The following RDH12 variants were observed in gnomAD, a reference collection of about 807,000 sequenced individuals.
The protein encoded by RDH12 is retinol dehydrogenase 12.
In RDH12, 21 loss-of-function variants were observed where a neutral mutation model predicts 34.0. That is an observed-to-expected ratio of 0.62 (90% CI 0.44 to 0.89). The LOEUF is 0.89. Ranked by LOEUF, RDH12 falls within the 40% of genes least tolerant of loss-of-function variation. The probability of loss-of-function intolerance (pLI) is 0.00; values close to 1 mark genes in which losing one functional copy is unlikely to be tolerated. For missense variants in RDH12, 394 were observed against 398.6 expected (o/e 0.99, Z 0.10); for synonymous variants, 198 against 169.9 (o/e 1.17, Z -1.29).
intron 3 of RDH12, among the ~76,000 whole-genome samples, chr14:67,723,892 C>T (rs1381262448): frequency 2.6e-5 from 4 of 152,212 alleles, no homozygotes; most frequent in African/African-American, 7.2e-5. Context: ...TGTTTGCCAT[C>T]GGCCAGAATG....
At chr14:67,729,975 A>C (rs186285623) in intron 8 of RDH12, among the ~76,000 whole-genome samples, 1 of 152,336 alleles carries the variant, frequency 6.6e-6, no homozygotes, top group East Asian at 1.9e-4. Flanking sequence ...CGCTTTGTTC[A>C]AGGCTTTTCA....
intron 1 of RDH12, among the ~76,000 whole-genome samples, chr14:67,716,506 G>A (rs558818427): frequency 3.3e-5 from 5 of 152,184 alleles, no homozygotes; most frequent in Non-Finnish European, 5.9e-5. Context: ...GAAAGTGTGT[G>A]TACACACGTG....
chr14:67,724,418 T>G, intron 3 of RDH12, 55 bp from the exon 4 acceptor site: 5 of 1,122,878 alleles, frequency 4.5e-6, no homozygotes, highest in South Asian at 1.2e-5. Context: ...TTAACGTATC[T>G]TAGTGTGAGC....
chr14:67,710,988 T>G (rs1284813502), intron 1 of RDH12, among the ~76,000 whole-genome samples: 1 of 152,204 alleles, frequency 6.6e-6, no homozygotes, highest in Non-Finnish European at 1.5e-5. Context: ...GAAAAAGATT[T>G]AACTTAACTG....
chr14:67,722,990 CAACA>C (rs986124448), intron 3 of RDH12, among the ~76,000 whole-genome samples: 1 of 152,162 alleles, frequency 6.6e-6, no homozygotes, highest in African/African-American at 2.4e-5. Flanking sequence ...TCAAGTAGCT[CAACA>C]AACACCTTAG....
chr14:67,713,272 C>T (rs202069653), intron 1 of RDH12, among the ~76,000 whole-genome samples: 3 of 148,570 alleles, frequency 2.0e-5, no homozygotes, highest in Admixed American at 1.3e-4. Flanking sequence ...AAACAAAAAA[C>T]AAAACAAAAA....
At chr14:67,723,678 T>C (rs369730388) in intron 3 of RDH12, among the ~76,000 whole-genome samples, 3 of 152,240 alleles carry the variant, frequency 2.0e-5, no homozygotes, top group East Asian at 1.9e-4. Flanking sequence ...TTTTCTCTAC[T>C]GTAATGTGGA....
At position 67,726,061 on chromosome 14, in the gene RDH12, G is replaced by A. The variant is rs761794309; in HGVS notation, c.354G>A (p.Gln118=). 11 of 1,613,394 alleles carry A rather than the reference G, an allele frequency of 6.8e-6. No individual in the cohort carries two copies. The Admixed American group carries it at 1.0e-4, about 15-fold the overall frequency. The change falls in exon 6 of 9, where the codon CAG becomes CAA. Residue 118 remains glutamine, a synonymous_variant. Coordinates refer to ENST00000551171, the MANE Select transcript of RDH12 (RefSeq NM_152443.3). ...GGTTGTGCCCTATAGAGGAAAAGCA[G>A]CTCCATATTCTGATCAACAATGCGG... ...FAEGFLAEEK[Q]LHILINNAGV... is the part of the protein sequence containing the mutation.
intron 1 of RDH12, among the ~76,000 whole-genome samples, chr14:67,705,484 A>G (rs984744138): frequency 3.3e-5 from 5 of 152,368 alleles, no homozygotes; most frequent in Non-Finnish European, 5.9e-5. Context: ...TGCCCCAGGT[A>G]GGCTAATTTG....
chr14:67,727,240 G>C, intron 7 of RDH12, 50 bp downstream of exon 7: 1 of 1,449,566 alleles, frequency 6.9e-7, no homozygotes, highest in South Asian at 1.2e-5. Flanking sequence ...GACCAAATTA[G>C]AGGTCCACAG....
intron 1 of RDH12, among the ~76,000 whole-genome samples, chr14:67,705,252 AC>A (rs1437866202): frequency 6.6e-6 from 1 of 152,240 alleles, no homozygotes; most frequent in African/African-American, 2.4e-5. Context: ...TACAGAGGTT[AC>A]AGTCCTTGGC....
In RDH12 at chr14:67,733,917, CA is replaced by C; in HGVS notation, c.*71del. 1 of 1,185,448 alleles carries C rather than the reference CA, an allele frequency of 8.4e-7. No homozygotes were observed. 73.4% of individuals were successfully genotyped at this position (1,185,448 alleles called of 1,614,324 possible). On this transcript the variant is annotated 3_prime_UTR_variant, in exon 9 of 9. Coordinates refer to ENST00000551171, the MANE Select transcript of RDH12 (RefSeq NM_152443.3). ...AATGAACAGGGACCAAGGAGAAGGC[CA>C]ACCCTAAAGGATTGTCCTCTTGGCC...
chr14:67,727,413 A>G (rs2038201374), intron 7 of RDH12: 1 of 548,120 alleles, frequency 1.8e-6, no homozygotes, highest in Non-Finnish European at 3.3e-6. Context: ...TATTTGTGTC[A>G]CATCTTATCT....
At chr14:67,717,025 CTTTAT>C (rs1300452873) in intron 1 of RDH12, among the ~76,000 whole-genome samples, 1 of 152,060 alleles carries the variant, frequency 6.6e-6, no homozygotes, top group Non-Finnish European at 1.5e-5. Context: ...TATCAATCTA[CTTTAT>C]TTTATTAACA....
rs745871149 is a variant in RDH12, at chr14:67,727,151, A to G, written c.619A>G (p.Asn207Asp). 12 of 1,614,070 alleles carry G rather than the reference A, an allele frequency of 7.4e-6. No individual in the cohort carries two copies. The South Asian group carries it at 1.3e-4, about 18-fold the overall frequency. ...GFAYCHSKLANVLFTRELAKR... is the reference protein window; with the variant it reads ...GFAYCHSKLADVLFTRELAKR... The stretch of plus-strand genomic sequence containing the variant: ...TGCCTATTGCCACAGCAAGCTGGCC[A>G]ATGTGCTTTTTACTCGTGAGCTGGC... Residue 207 changes from asparagine (N) to aspartate (D), a missense_variant, in exon 7 of 9, where the codon AAT becomes GAT. Physicochemically the swap from Asn to Asp is conservative, Grantham distance 23. Transcript: ENST00000551171.
At chr14:67,717,102 A>G (rs1373327964) in intron 1 of RDH12, among the ~76,000 whole-genome samples, 4 of 152,118 alleles carry the variant, frequency 2.6e-5, no homozygotes, top group South Asian at 2.1e-4. Flanking sequence ...GCATGTATAT[A>G]TATCATTCAT....
At position 67,720,192 on chromosome 14, in the gene RDH12, C is replaced by T. The variant is rs977486042; in HGVS notation, c.-274-656C>T. On this transcript the variant is annotated intron_variant, in intron 1 of 8. Transcript: ENST00000551171. Reference sequence around the variant, plus strand: ...TCATATGAGTGAGGGTGAAGAGCCACTTGTATTTCCTTTTTTGTAAACTGC... The same window carrying T: ...TCATATGAGTGAGGGTGAAGAGCCATTTGTATTTCCTTTTTTGTAAACTGC... Among the ~76,000 whole-genome samples the T allele has an allele frequency of 5.3e-5, 8 of 152,286 alleles. No homozygotes were observed. The East Asian group carries it at 1.5e-3, about 29-fold the overall frequency.
At chr14:67,726,563 G>A (rs537434135) in intron 6 of RDH12, among the ~76,000 whole-genome samples, 3 of 152,296 alleles carry the variant, frequency 2.0e-5, no homozygotes, top group African/African-American at 7.2e-5. Flanking sequence ...TACGAGGCAG[G>A]GTGGGGTTCA....
chr14:67,704,239 C>CG (rs756703022), intron 1 of RDH12, among the ~76,000 whole-genome samples: 1 of 152,012 alleles, frequency 6.6e-6, no homozygotes. Context: ...GTTCTGATTA[C>CG]GGGGGTAGAA....
Sources: allele counts gnomAD v4.1 joint callset (sites outside exome capture counted in the v4.1 genomes callset), GRCh38; gene constraint gnomAD v4.1.1; transcripts MANE v1.5; gene names NCBI Gene and HGNC (gene_info 2026-07-23, HGNC 2026-07-21).